IPO5: variants seen among roughly 807,000 people sequenced by gnomAD.
The protein encoded by IPO5 is importin-5.
A neutral mutation model predicts 143.3 loss-of-function variants in IPO5; 18 were observed. The observed-to-expected ratio is 0.13, with a 90% CI of 0.09 to 0.19. IPO5 has a LOEUF of 0.19. Among genes scored for constraint, IPO5 ranks in the 10% least tolerant of loss-of-function variants. The probability of loss-of-function intolerance (pLI) is 1.00; values close to 1 mark genes in which losing one functional copy is unlikely to be tolerated. For synonymous variants in IPO5, 477 were observed against 465.7 expected (o/e 1.02, Z -0.31); for missense variants, 1,013 against 1,336.9 (o/e 0.76, Z 3.78).
At chr13:97,978,597 G>T (rs886136375) in intron 4 of IPO5, among the ~76,000 whole-genome samples, 3 of 152,080 alleles carry the variant, frequency 2.0e-5, no homozygotes, top group Admixed American at 2.0e-4. Context: ...ATGCTTTCTG[G>T]TAACTCTTGA....
intron 12 of IPO5, among the ~76,000 whole-genome samples, chr13:97,999,742 A>G (rs1465105960): frequency 6.6e-6 from 1 of 152,214 alleles, no homozygotes; most frequent in Non-Finnish European, 1.5e-5. Context: ...TCACATAGCT[A>G]TGCATAGTTT....
intron 1 of IPO5, 73 bp downstream of exon 1, chr13:97,953,789 C>G: frequency 2.6e-6 from 1 of 386,814 alleles, no homozygotes; most frequent in Non-Finnish European, 5.1e-6. Flanking sequence ...AACAATTTAG[C>G]GTGATACTGG....
chr13:97,982,437 C>A, intron 4 of IPO5, 66 bp from the exon 5 acceptor site: 1 of 1,062,444 alleles, frequency 9.4e-7, no homozygotes, highest in Non-Finnish European at 1.4e-6. Context: ...CTGTTTATTT[C>A]TTTCACTGGT....
chr13:97,992,931 C>T lies in IPO5; in HGVS notation c.709C>T (p.Leu237=). The change falls in exon 10 of 29, where the codon CTA becomes TTA. Residue 237 remains leucine (L), a synonymous_variant. Coordinates refer to ENST00000651721, the MANE Select transcript of IPO5 (RefSeq NM_002271.6). ...DSCYQNDDSV[L]KSLVEIADTV... ...GTGCTACCAGAATGATGATTCTGTC[C>T]TAAAATCCCTCGTTGAGATTGCAGA... 3.1e-6 allele frequency: 5 copies of T among 1,613,742 alleles called. No individual in the cohort carries two copies. The highest frequency in any genetic ancestry group is 4.2e-6 in the Non-Finnish European group (5 of 1,179,702).
intron 2 of IPO5, among the ~76,000 whole-genome samples, chr13:97,964,359 T>C (rs956670606): frequency 6.6e-6 from 1 of 151,970 alleles, no homozygotes; most frequent in African/African-American, 2.4e-5. Flanking sequence ...CCATCTTGAG[T>C]TAATTTTTGT....
rs753585799 is a variant in IPO5, at chr13:97,976,720, G to C, written c.24G>C (p.Gln8His). 7.1e-7 allele frequency: 1 copy of C among 1,406,926 alleles called. No homozygotes were observed. The highest frequency in any genetic ancestry group is 1.2e-5 in the South Asian group (1 of 82,818). 87.2% of individuals were successfully genotyped at this position (1,406,926 alleles called of 1,614,324 possible). A position where few individuals can be genotyped will look rare whatever the true frequency, so the allele number is the denominator to read the frequency against. Residue 8 changes from glutamine (Q) to histidine (H), a missense_variant, in exon 4 of 29, where the codon CAG becomes CAC. Coordinates refer to ENST00000651721, the MANE Select transcript of IPO5 (RefSeq NM_002271.6). ...CAATGGCGGCGGCCGCGGCGGAGCA[G>C]CAACAGTTCTACCTGCTCCTGGGAA... MAAAAAEQQQFYLLLGNL... is the reference protein window; with the variant it reads MAAAAAEHQQFYLLLGNL...
chr13:98,020,249 TC>T (rs1022035557), intron 27 of IPO5, among the ~76,000 whole-genome samples: 7 of 152,086 alleles, frequency 4.6e-5, no homozygotes, highest in African/African-American at 1.7e-4. Context: ...AAGTCCAAGT[TC>T]CCCCCAAATA....
chr13:97,975,700 A>G (rs1886225368), intron 3 of IPO5: 1 of 152,586 alleles, frequency 6.6e-6, no homozygotes, highest in South Asian at 2.1e-4. Flanking sequence ...TCCTTTAGGA[A>G]GAAAGGTGTC....
chr13:97,983,683 T>C (rs1252353289), intron 5 of IPO5, among the ~76,000 whole-genome samples: 1 of 152,116 alleles, frequency 6.6e-6, no homozygotes, highest in Non-Finnish European at 1.5e-5. Flanking sequence ...ATTTAGAGTT[T>C]GTAGTGTAAG....
rs538007939 is a variant in IPO5 at position 98,000,271 on chromosome 13, C to T, written c.1002-268C>T. ...CTGCGCTCCAGCCTGGGTGACAGAG[C>T]GAGACTCTGTCTCAAAAAAAAAAAA... On this transcript the variant is annotated intron_variant, in intron 12 of 28. Coordinates refer to ENST00000651721, the MANE Select transcript of IPO5 (RefSeq NM_002271.6). Among the ~76,000 whole-genome samples the T allele has an allele frequency of 1.1e-4, 16 of 150,816 alleles. No individual in the cohort carries two copies. The South Asian group carries it at 2.7e-3, about 26-fold the overall frequency.
At chr13:97,959,157 G>A (rs1469326472) in intron 2 of IPO5, among the ~76,000 whole-genome samples, 1 of 149,418 alleles carries the variant, frequency 6.7e-6, no homozygotes, top group East Asian at 2.0e-4. Context: ...GGGTGACACA[G>A]CAAGACTGTG....
chr13:97,979,266 A>G (rs533301850), intron 4 of IPO5, among the ~76,000 whole-genome samples: 27 of 152,358 alleles, frequency 1.8e-4, no homozygotes, highest in African/African-American at 6.3e-4. Context: ...TAGTCGACAC[A>G]TAAATACCAA....
intron 17 of IPO5, among the ~76,000 whole-genome samples, chr13:98,007,193 T>C (rs1297317872): frequency 6.6e-6 from 1 of 152,184 alleles, no homozygotes; most frequent in Non-Finnish European, 1.5e-5. Context: ...TCAGCTGTGC[T>C]CCTGATGCCT....
intron 2 of IPO5, among the ~76,000 whole-genome samples, chr13:97,967,819 G>A (rs1480247585): frequency 6.6e-6 from 1 of 152,162 alleles, no homozygotes; most frequent in Non-Finnish European, 1.5e-5. Flanking sequence ...TTTTAGCAGA[G>A]ACGGCGTTTC....
chr13:98,011,377 G>A (rs1484728295), intron 20 of IPO5, among the ~76,000 whole-genome samples: 1 of 151,898 alleles, frequency 6.6e-6, no homozygotes, highest in African/African-American at 2.4e-5. Context: ...TGCAGCCTCC[G>A]TCTCCTGGGT....
chr13:98,009,859 T>G (rs1477322224), intron 18 of IPO5, 22 bp from the exon 19 acceptor site: 1 of 1,539,202 alleles, frequency 6.5e-7, no homozygotes, highest in African/African-American at 1.4e-5. Context: ...TAATCTATTT[T>G]AATTTTAAAA....
intron 21 of IPO5, among the ~76,000 whole-genome samples, chr13:98,012,794 A>T (rs1889811605): frequency 7.4e-6 from 1 of 135,250 alleles, no homozygotes; most frequent in Non-Finnish European, 1.6e-5. Flanking sequence ...AAGCCCAGCT[A>T]GATTTGATTT....
At chr13:97,969,866 T>G in intron 3 of IPO5, 36 bp downstream of exon 3, 1 of 1,537,508 alleles carries the variant, frequency 6.5e-7, no homozygotes, top group Non-Finnish European at 9.0e-7. Flanking sequence ...TCACTTCCTG[T>G]TTTGTTTTTT....
At chr13:98,011,411 C>G (rs1479021024) in intron 20 of IPO5, among the ~76,000 whole-genome samples, 1 of 152,150 alleles carries the variant, frequency 6.6e-6, no homozygotes, top group Non-Finnish European at 1.5e-5. Context: ...CTGCCTTAAC[C>G]TCCCGAGTAG....
Sources: allele counts gnomAD v4.1 joint callset (sites outside exome capture counted in the v4.1 genomes callset), GRCh38; gene constraint gnomAD v4.1.1; transcripts MANE v1.5; gene names NCBI Gene and HGNC (gene_info 2026-07-23, HGNC 2026-07-21).